Variants in PCLO observed in about 807,000 individuals in gnomAD.
The protein encoded by PCLO is protein piccolo.
In PCLO, 82 loss-of-function variants were observed where a neutral mutation model predicts 427.5. That is an observed-to-expected ratio of 0.19 (90% CI 0.16 to 0.23). The LOEUF is 0.23. Among genes scored for constraint, PCLO ranks in the 10% least tolerant of loss-of-function variants. The pLI is 1.00. For synonymous variants in PCLO, 2,357 were observed against 2,155.4 expected (o/e 1.09, Z -2.59); for missense variants, 6,239 against 6,115.9 (o/e 1.02, Z -0.67).
At chr7:83,105,516 A>AC (rs1247021280) in intron 3 of PCLO, among the ~76,000 whole-genome samples, 1 of 151,612 alleles carries the variant, frequency 6.6e-6, no homozygotes, top group African/African-American at 2.4e-5. Flanking sequence ...AAAACAAAAA[A>AC]ACAATAAAAT....
At chr7:82,967,192 CTTT>C (rs1795796346) in intron 3 of PCLO, among the ~76,000 whole-genome samples, 1 of 143,224 alleles carries the variant, frequency 7.0e-6, no homozygotes, top group Non-Finnish European at 1.5e-5. Flanking sequence ...TTTCTTTCTT[CTTT>C]TCTTTTTTTT....
intron 3 of PCLO, among the ~76,000 whole-genome samples, chr7:83,010,054 A>G (rs538406686): frequency 2.4e-4 from 36 of 151,896 alleles, no homozygotes; most frequent in Non-Finnish European, 4.1e-4. Flanking sequence ...TCCACATTAC[A>G]TTGTGGATGA....
chr7:82,761,799 A>T (rs1790437886), intron 22 of PCLO, among the ~76,000 whole-genome samples: 2 of 152,072 alleles, frequency 1.3e-5, no homozygotes, highest in Admixed American at 1.3e-4. Flanking sequence ...TAGACTGATA[A>T]ATACACAGAT....
At chr7:83,160,240 T>C (rs760105678) in intron 1 of PCLO, among the ~76,000 whole-genome samples, 11 of 152,196 alleles carry the variant, frequency 7.2e-5, no homozygotes, top group Non-Finnish European at 1.5e-4. Context: ...ACACATTGAT[T>C]GAGAAGTATT....
At chr7:82,779,583 C>T (rs1048019677) in intron 22 of PCLO, among the ~76,000 whole-genome samples, 3 of 151,950 alleles carry the variant, frequency 2.0e-5, no homozygotes, top group Non-Finnish European at 2.9e-5. Flanking sequence ...TTTTAGCTAT[C>T]GGTAACAGAA....
intron 1 of PCLO, among the ~76,000 whole-genome samples, chr7:83,157,456 G>C (rs1361607177): frequency 6.6e-6 from 1 of 151,908 alleles, no homozygotes; most frequent in Non-Finnish European, 1.5e-5. Context: ...TTGACATTGA[G>C]ATTAAATGTA....
At chr7:82,892,772 C>T (rs1191272131) in intron 9 of PCLO, among the ~76,000 whole-genome samples, 1 of 152,102 alleles carries the variant, frequency 6.6e-6, no homozygotes, top group African/African-American at 2.4e-5. Context: ...AGGATATGAA[C>T]AGACACTTCT....
In PCLO at chr7:82,758,392, T is replaced by G. The variant is rs1790361126; in HGVS notation, c.*183A>C. 1.4e-5 allele frequency: 7 copies of G among 486,232 alleles called. No individual in the cohort carries two copies. The South Asian group carries it at 3.1e-4, about 21-fold the overall frequency. 30.1% of individuals were successfully genotyped at this position (486,232 alleles called of 1,614,324 possible). A position where few individuals can be genotyped will look rare whatever the true frequency, so the allele number is the denominator to read the frequency against. The stretch of plus-strand genomic sequence containing the variant: ...TTCTTGTTTTCAGTATGTGAACTTT[T>G]TCAGTTGAATATCTTTGTGTGATCC... On this transcript the variant is annotated 3_prime_UTR_variant, in exon 25 of 25. Coordinates refer to ENST00000333891, the MANE Select transcript of PCLO (RefSeq NM_033026.6).
chr7:83,051,504 T>G (rs1043060221), intron 3 of PCLO, among the ~76,000 whole-genome samples: 8 of 152,182 alleles, frequency 5.3e-5, no homozygotes, highest in Admixed American at 1.3e-4. Context: ...AACAATTATG[T>G]AAACAATCTC....
chr7:83,099,687 G>A (rs1018963198), intron 3 of PCLO, among the ~76,000 whole-genome samples: 18 of 152,098 alleles, frequency 1.2e-4, no homozygotes, highest in Admixed American at 9.2e-4. Context: ...CACTGCGTCT[G>A]GCCAAAATAC....
At chr7:82,982,470 G>C (rs1796167818) in intron 3 of PCLO, among the ~76,000 whole-genome samples, 1 of 151,910 alleles carries the variant, frequency 6.6e-6, no homozygotes, top group Non-Finnish European at 1.5e-5. Context: ...ACAGAAGCGG[G>C]GTCATGACTG....
chr7:83,047,071 A>G (rs77839280), intron 3 of PCLO, among the ~76,000 whole-genome samples: 1,588 of 152,174 alleles, frequency 0.01, 22 homozygotes, highest in African/African-American at 0.036. Flanking sequence ...GCAAAAGCCA[A>G]AAAAGGAAAC....
intron 3 of PCLO, among the ~76,000 whole-genome samples, chr7:83,125,245 C>T (rs192294021): frequency 0.025 from 3,734 of 152,112 alleles, 68 homozygotes; most frequent in South Asian, 0.071. Flanking sequence ...TGCCTCTGCC[C>T]GGCCGCCACC....
intron 3 of PCLO, among the ~76,000 whole-genome samples, chr7:83,094,407 C>T (rs1169171265): frequency 6.6e-6 from 1 of 151,952 alleles, no homozygotes; most frequent in Non-Finnish European, 1.5e-5. Context: ...TGGGATTTCA[C>T]CATGTTGGCC....
At chr7:82,765,400 C>T (rs1465313165) in intron 22 of PCLO, among the ~76,000 whole-genome samples, 1 of 151,094 alleles carries the variant, frequency 6.6e-6, no homozygotes, top group Non-Finnish European at 1.5e-5. Flanking sequence ...TAAAGATGTC[C>T]ACTAAAATTA....
intron 9 of PCLO, chr7:82,879,718 A>C: frequency 2.2e-6 from 1 of 451,414 alleles, no homozygotes; most frequent in Non-Finnish European, 4.0e-6. Flanking sequence ...CATATTCAGT[A>C]ATATACCCAG....
At chr7:82,784,610 A>G (rs1583971436) in intron 22 of PCLO, among the ~76,000 whole-genome samples, 3 of 152,230 alleles carry the variant, frequency 2.0e-5, no homozygotes, top group East Asian at 3.9e-4. Flanking sequence ...TAACTTTATC[A>G]TCCTCATTAC....
In PCLO at chr7:83,036,400, G is replaced by A. The variant is rs547036613; in HGVS notation, c.3301-69913C>T. On this transcript the variant is annotated intron_variant, in intron 3 of 24. Transcript: ENST00000333891. ...GAAAACGACTGTCTTAGTAAAGATT[G>A]CTAAAGCTCTTGCAGATTGATTGCT... Among the ~76,000 whole-genome samples the A allele has an allele frequency of 2.0e-5, 3 of 152,232 alleles. No individual in the cohort carries two copies. The South Asian group carries it at 6.2e-4, about 32-fold the overall frequency.
Position 82,758,566 on chromosome 7 carries a change from CAT to C in PCLO, c.*7_*8del. On this transcript the variant is annotated 3_prime_UTR_variant, in exon 25 of 25. Coordinates refer to ENST00000333891, the MANE Select transcript of PCLO (RefSeq NM_033026.6). ...GAGCAGTTTCTATACCCTGAGAAGA[CAT>C]GTTTCTTCAATGCGTTTGAGTAGGA... 6.2e-7 allele frequency: 1 copy of C among 1,606,210 alleles called. No individual in the cohort carries two copies. The highest frequency in any genetic ancestry group is 8.5e-7 in the Non-Finnish European group (1 of 1,176,360).
Sources: gnomAD v4.1 joint callset for allele counts (sites outside exome capture counted in the v4.1 genomes callset) on GRCh38, gnomAD v4.1.1 for gene constraint, MANE v1.5 for transcripts, NCBI Gene and HGNC (gene_info 2026-07-23, HGNC 2026-07-21) for gene names.